CSMD1: variants seen among roughly 807,000 people sequenced by gnomAD.
CSMD1 encodes the protein CUB and Sushi multiple domains 1.
Under a neutral mutation model 417.5 loss-of-function variants are expected in CSMD1, and 213 were observed. The observed-to-expected ratio is 0.51, with a 90% CI of 0.46 to 0.57. The LOEUF (loss-of-function observed/expected upper bound fraction) is 0.57, where lower values mean the gene tolerates loss of function less well. CSMD1 is among the 20% of genes least tolerant of loss of function. CSMD1 has a pLI of 0.00. For synonymous variants in CSMD1, 2,862 were observed against 1,736.8 expected (o/e 1.65, Z -16.11); for missense variants, 6,923 against 4,529.7 (o/e 1.53, Z -15.17).
At chr8:3,640,882 T>C (rs1256126513) in intron 7 of CSMD1, among the ~76,000 whole-genome samples, 3 of 152,144 alleles carry the variant, frequency 2.0e-5, no homozygotes, top group Non-Finnish European at 4.4e-5. Flanking sequence ...ATGATGTCAG[T>C]ATCCAATATG....
intron 2 of CSMD1, among the ~76,000 whole-genome samples, chr8:4,420,567 T>C (rs1179787964): frequency 1.3e-5 from 2 of 152,186 alleles, no homozygotes; most frequent in Non-Finnish European, 2.9e-5. Context: ...AGGTAAAGCA[T>C]GTGAATGTGT....
At chr8:4,447,600 A>C (rs959647260) in intron 2 of CSMD1, among the ~76,000 whole-genome samples, 1 of 152,228 alleles carries the variant, frequency 6.6e-6, no homozygotes, top group Admixed American at 6.5e-5. Flanking sequence ...GCTTTCATGT[A>C]ATACTTCCCA....
chr8:3,249,311 T>C (rs974984777), intron 26 of CSMD1, among the ~76,000 whole-genome samples: 2 of 152,142 alleles, frequency 1.3e-5, no homozygotes, highest in African/African-American at 4.8e-5. Flanking sequence ...AACCTCTGCC[T>C]CCTGGGTTCA....
Position 4,224,703 on chromosome 8 carries a change from C to G in CSMD1, c.416-192604G>C, listed in dbSNP as rs182665782. On this transcript the variant is annotated intron_variant, in intron 3 of 69. Coordinates refer to ENST00000635120, the MANE Select transcript of CSMD1 (RefSeq NM_033225.6). The stretch of plus-strand genomic sequence containing the variant: ...ATTTCAGATGCATGGAGATGAATTA[C>G]TAATATAGCTTCTTTTTTCCTCCCT... Among the ~76,000 whole-genome samples, 395 of 152,324 alleles carry G rather than the reference C, an allele frequency of 2.6e-3. 4 individuals carry two copies. The highest frequency in any genetic ancestry group is 8.9e-3 in the African/African-American group (371 of 41,560).
chr8:4,143,230 C>T (rs1017195023), intron 3 of CSMD1, among the ~76,000 whole-genome samples: 1 of 151,156 alleles, frequency 6.6e-6, no homozygotes, highest in Non-Finnish European at 1.5e-5. Flanking sequence ...GGTCTAAACC[C>T]TCTTATAGGG....
chr8:4,311,719 T>C (rs1199073087), intron 3 of CSMD1, among the ~76,000 whole-genome samples: 1 of 49,088 alleles, frequency 2.0e-5, no homozygotes. Flanking sequence ...CAAGACTCAG[T>C]CTCAAAAAAA....
At chr8:4,046,026 A>C (rs191814282) in intron 3 of CSMD1, among the ~76,000 whole-genome samples, 2 of 152,128 alleles carry the variant, frequency 1.3e-5, no homozygotes, top group Non-Finnish European at 2.9e-5. Flanking sequence ...TCAAATATAA[A>C]ATTTAGGACT....
At chr8:3,106,143 T>C (rs1816120080) in intron 46 of CSMD1, among the ~76,000 whole-genome samples, 1 of 148,036 alleles carries the variant, frequency 6.8e-6, no homozygotes, top group African/African-American at 2.5e-5. Flanking sequence ...CCTAGCAATC[T>C]GGGAAGCTGA....
chr8:4,976,016 C>G (rs955795339), intron 1 of CSMD1, among the ~76,000 whole-genome samples: 3 of 152,146 alleles, frequency 2.0e-5, no homozygotes, highest in Non-Finnish European at 2.9e-5. Flanking sequence ...CTGGTTTGGA[C>G]TGGAGCTTTT....
chr8:3,772,331 T>TTATA (rs1336048898), intron 5 of CSMD1, among the ~76,000 whole-genome samples: 4,658 of 52,830 alleles, frequency 0.088, 195 homozygotes, highest in African/African-American at 0.11. Flanking sequence ...GTACATATAT[T>TTATA]TAGACATACA....
intron 3 of CSMD1, among the ~76,000 whole-genome samples, chr8:4,065,781 T>G (rs572079981): frequency 1.2e-4 from 19 of 152,160 alleles, no homozygotes; most frequent in Non-Finnish European, 2.8e-4. Flanking sequence ...CTACAGCAAA[T>G]AAGAATTCCA....
intron 10 of CSMD1, among the ~76,000 whole-genome samples, chr8:3,527,322 G>A (rs1797793792): frequency 6.6e-6 from 1 of 152,082 alleles, no homozygotes; most frequent in African/African-American, 2.4e-5. Flanking sequence ...TATTTTTAAA[G>A]GCACTCGTGC....
intron 5 of CSMD1, among the ~76,000 whole-genome samples, chr8:3,952,165 G>A (rs956243062): frequency 3.9e-5 from 6 of 152,112 alleles, no homozygotes; most frequent in African/African-American, 1.4e-4. Context: ...CCTTCAATGG[G>A]ACAGAGCAGA....
At chr8:3,652,928 C>T (rs961954242) in intron 7 of CSMD1, among the ~76,000 whole-genome samples, 11 of 152,122 alleles carry the variant, frequency 7.2e-5, no homozygotes, top group Admixed American at 5.9e-4. Flanking sequence ...AAATGAACAC[C>T]ACTAAAGACT....
intron 1 of CSMD1, among the ~76,000 whole-genome samples, chr8:4,838,518 G>A (rs1360660669): frequency 6.6e-6 from 1 of 152,224 alleles, no homozygotes; most frequent in Admixed American, 6.5e-5. Flanking sequence ...TTCCCTTGAT[G>A]GGGCAAAGCA....
At chr8:4,042,945 GC>G (rs1797968399) in intron 3 of CSMD1, among the ~76,000 whole-genome samples, 2 of 150,594 alleles carry the variant, frequency 1.3e-5, no homozygotes, top group Admixed American at 6.6e-5. Context: ...GGCCAAGAGA[GC>G]AAAAACCCAC....
intron 21 of CSMD1, among the ~76,000 whole-genome samples, chr8:3,357,396 G>A (rs67924539): frequency 0.19 from 29,646 of 152,114 alleles, 3,464 homozygotes; most frequent in South Asian, 0.3. Context: ...CATTTACTTC[G>A]TAGAATTGTC....
chr8:3,561,835 G>A (rs1257439332), intron 10 of CSMD1, among the ~76,000 whole-genome samples: 3 of 152,330 alleles, frequency 2.0e-5, no homozygotes, highest in Admixed American at 6.5e-5. Flanking sequence ...TAGTCACTGA[G>A]GAAGGAGAAA....
At chr8:4,741,345 T>G (rs899283843) in intron 1 of CSMD1, among the ~76,000 whole-genome samples, 2 of 152,232 alleles carry the variant, frequency 1.3e-5, no homozygotes, top group African/African-American at 2.4e-5. Context: ...CCATACTATG[T>G]CTACATTATT....
Sources: allele counts gnomAD v4.1 joint callset (sites outside exome capture counted in the v4.1 genomes callset), GRCh38; gene constraint gnomAD v4.1.1; transcripts MANE v1.5; gene names NCBI Gene and HGNC (gene_info 2026-07-23, HGNC 2026-07-21).